The following SEC16B variants were observed in gnomAD, a reference collection of about 807,000 sequenced individuals.
SEC16B encodes protein transport protein Sec16B.
In SEC16B, 115 loss-of-function variants were observed where a neutral mutation model predicts 141.8. The ratio of observed to expected loss-of-function variants is 0.81; its 90% CI spans 0.70 to 0.95. The LOEUF (loss-of-function observed/expected upper bound fraction) is 0.95. Ranked by LOEUF, SEC16B falls within the 40% of genes least tolerant of loss-of-function variation. The pLI is 0.00. For missense variants in SEC16B, 1,291 were observed against 1,312.3 expected, an observed-to-expected ratio of 0.98 and a Z score of 0.25; for synonymous variants, 493 against 492.5, an observed-to-expected ratio of 1.00 and a Z score of -0.01.
intron 20 of SEC16B, among the ~76,000 whole-genome samples, 180 bp from the exon 21 acceptor site, chr1:177,933,816 A>G (rs922609672): frequency 1.3e-5 from 2 of 152,160 alleles, no homozygotes; most frequent in African/African-American, 4.8e-5. Flanking sequence ...GTCGCAGGAT[A>G]AGGACAGAGC....
intron 20 of SEC16B, among the ~76,000 whole-genome samples, chr1:177,935,527 T>A (rs1411875027): frequency 6.6e-6 from 1 of 152,030 alleles, no homozygotes; most frequent in Non-Finnish European, 1.5e-5. Context: ...TATATGTGAG[T>A]ATATGTGTGT....
rs772309999 is a variant in SEC16B at position 177,930,595 on chromosome 1, G to A, written c.3061C>T (p.Pro1021Ser). The change falls in exon 25 of 26, where the codon CCT becomes TCT. Residue 1021 changes from proline (P) to serine (S), a missense_variant. Physicochemically the swap from Pro to Ser is moderately conservative, Grantham distance 74. Coordinates refer to ENST00000308284, the MANE Select transcript of SEC16B (RefSeq NM_033127.4). ...AGAGGAACAGCCCCTTTTAAGGCAG[G>A]TGGAGGAAGAAGAACACCAGGGTTG... Reference protein sequence around the residue: ...CSNPGVLLPPPALKGAVPLYN... With the variant: ...CSNPGVLLPPSALKGAVPLYN... 2 of 1,613,848 alleles carry A rather than the reference G, an allele frequency of 1.2e-6. No individual in the cohort carries two copies. The highest frequency in any genetic ancestry group is 4.5e-5 in the East Asian group (2 of 44,874).
intron 1 of SEC16B, among the ~76,000 whole-genome samples, chr1:177,981,281 T>C (rs545961222): frequency 1.4e-4 from 21 of 152,270 alleles, no homozygotes; most frequent in Admixed American, 1.3e-3. Flanking sequence ...ACCCCATCTC[T>C]TGCTCTATGA....
At position 177,961,630 on chromosome 1, in the gene SEC16B, A is replaced by T. The variant is rs775826617; in HGVS notation, c.747T>A (p.Asp249Glu). The change falls in exon 6 of 26, where the codon GAT becomes GAA. Residue 249 changes from aspartate to glutamate, a missense_variant. Transcript: ENST00000308284. The stretch of plus-strand genomic sequence containing the variant: ...TCCAAGCTGCTGAAGCTGGGGGATC[A>T]TCCCGCTCCGGGGCATCTCTGATGT... ...SQYIRDAPER[D>E]DPPASAAWSP... is the part of the protein sequence containing the mutation. 1.9e-6 allele frequency: 3 copies of T among 1,608,362 alleles called. No individual in the cohort carries two copies. The South Asian group carries it at 3.3e-5, about 18-fold the overall frequency.
chr1:177,960,882 A>G lies in SEC16B; in HGVS notation c.845T>C (p.Val282Ala), dbSNP rs776875644. Residue 282 changes from valine to alanine, a missense_variant, in exon 7 of 26, where the codon GTG (valine) becomes GCG (alanine). Around this residue, in one of 3 missense-constraint regions of SEC16B, gnomAD observed 681 missense variants for 675.5 expected, o/e 1.01. Transcript: ENST00000308284. Reference sequence around the variant, plus strand: ...CAGCTGACCTCCTGGCCCGAAACTCACAGGAACATGAGGGATGTAGAACTT... The same window carrying G: ...CAGCTGACCTCCTGGCCCGAAACTCGCAGGAACATGAGGGATGTAGAACTT... The part of the protein sequence containing the change: ...PMKFYIPHVP[V>A]SFGPGGQLVH... 3 of 1,601,832 alleles carry G rather than the reference A, an allele frequency of 1.9e-6. No homozygotes were observed. Among genetic ancestry groups the G allele is most frequent in the Admixed American group, 1.7e-5 (1 of 58,986 alleles).
intron 3 of SEC16B, 100 bp downstream of exon 3, chr1:177,965,793 A>G (rs913904426): frequency 6.1e-6 from 4 of 656,660 alleles, no homozygotes; most frequent in African/African-American, 5.5e-5. Flanking sequence ...AGGATGCCCA[A>G]GGTGAGGGTC....
intron 4 of SEC16B, among the ~76,000 whole-genome samples, chr1:177,964,825 C>A (rs1276170065): frequency 6.6e-6 from 1 of 152,180 alleles, no homozygotes; most frequent in African/African-American, 2.4e-5. Context: ...TCAGACTCGC[C>A]CAGCTTTGGG....
intron 25 of SEC16B, 99 bp from the exon 26 acceptor site, chr1:177,930,028 T>C: frequency 8.7e-7 from 1 of 1,151,928 alleles, no homozygotes; most frequent in Non-Finnish European, 1.3e-6. Flanking sequence ...TGAGCCTCTG[T>C]GTAGAACATT....
chr1:177,946,411 G>A lies in SEC16B; in HGVS notation c.1775+9C>T, dbSNP rs1171917677. 14 of 1,545,486 alleles carry A rather than the reference G, an allele frequency of 9.1e-6. No homozygotes were observed. Among genetic ancestry groups the A allele is most frequent in the Admixed American group, 3.9e-5 (2 of 51,714 alleles). Reference sequence around the variant, plus strand: ...GTCCTTACTGTTTCCTTTCTCCCAGGTCGCATACCTGTGGCTGCTGCCCAG... The same window carrying A: ...GTCCTTACTGTTTCCTTTCTCCCAGATCGCATACCTGTGGCTGCTGCCCAG... On this transcript the variant is annotated intron_variant, in intron 14 of 25. Coordinates refer to ENST00000308284, the MANE Select transcript of SEC16B (RefSeq NM_033127.4).
Position 177,965,181 on chromosome 1 carries a change from G to A in SEC16B, c.413-14C>T. 1 of 1,612,262 alleles carries A rather than the reference G, an allele frequency of 6.2e-7. No individual in the cohort carries two copies. Among genetic ancestry groups the A allele is most frequent in the Non-Finnish European group, 8.5e-7 (1 of 1,179,288 alleles). ...GTTGCCTTGGCACTGCACCCTCAGA[G>A]AAAACAAAATCAAGACAGGTCACTT... On this transcript the variant is annotated splice_polypyrimidine_tract_variant and intron_variant, in intron 3 of 25. Coordinates refer to ENST00000308284, the MANE Select transcript of SEC16B (RefSeq NM_033127.4).
intron 15 of SEC16B, among the ~76,000 whole-genome samples, chr1:177,943,432 G>C (rs1243329153): frequency 1.3e-5 from 2 of 152,164 alleles, no homozygotes; most frequent in African/African-American, 4.8e-5. Flanking sequence ...AGAACTTAAA[G>C]AAAAAGAGAA....
chr1:177,983,414 G>A (rs1654501033), intron 1 of SEC16B, among the ~76,000 whole-genome samples: 1 of 152,028 alleles, frequency 6.6e-6, no homozygotes, highest in Non-Finnish European at 1.5e-5. Flanking sequence ...ACATAGAGAG[G>A]TGACAATCAA....
At chr1:177,971,252 T>C (rs1176007040), upstream of SEC16B, 1 of 152,188 alleles carries the variant, frequency 6.6e-6, no homozygotes. Context: ...TGGCTAATTT[T>C]TGTATTTTTA....
In SEC16B at chr1:177,930,652, G is replaced by A. The variant is rs768226631; in HGVS notation, c.3013-9C>T. The A allele has an allele frequency of 3.1e-6, 5 of 1,603,106 alleles. No homozygotes were observed. In the South Asian group the frequency reaches 5.5e-5, roughly 18 times the overall value. On this transcript the variant is annotated splice_polypyrimidine_tract_variant and intron_variant, in intron 24 of 25. Coordinates refer to ENST00000308284, the MANE Select transcript of SEC16B (RefSeq NM_033127.4). The stretch of plus-strand genomic sequence containing the variant: ...AGCTCAAAGGAAACACTCTGTGATG[G>A]AAAAGCATGGAAAATCCCATCAGTG...
At chr1:177,933,167 T>TG (rs1337018611) in intron 22 of SEC16B, 47 bp downstream of exon 22, 1 of 1,471,254 alleles carries the variant, frequency 6.8e-7, no homozygotes, top group South Asian at 1.2e-5. Context: ...CAGCTCCCTC[T>TG]GAAAGACCCA....
chr1:177,950,341 G>C (rs1165349851), intron 12 of SEC16B, among the ~76,000 whole-genome samples: 1 of 152,154 alleles, frequency 6.6e-6, no homozygotes. Flanking sequence ...ACTGGCTGGA[G>C]AGCAGCAAAG....
chr1:177,976,500 G>A (rs930426260), intron 1 of SEC16B, among the ~76,000 whole-genome samples: 4 of 152,162 alleles, frequency 2.6e-5, no homozygotes, highest in Non-Finnish European at 5.9e-5. Context: ...CAACTTGGTG[G>A]TCCTGGAATA....
intron 1 of SEC16B, among the ~76,000 whole-genome samples, chr1:177,978,100 G>C (rs557935232): frequency 9.2e-5 from 14 of 152,304 alleles, no homozygotes; most frequent in African/African-American, 2.9e-4. Context: ...TGGGAATTGA[G>C]AGCTCAGGCT....
At chr1:177,963,146 C>G (rs1319066086) in intron 5 of SEC16B, among the ~76,000 whole-genome samples, 1 of 151,726 alleles carries the variant, frequency 6.6e-6, no homozygotes, top group Non-Finnish European at 1.5e-5. Flanking sequence ...GCTCTTTGTA[C>G]AGTGTAAGGT....
Sources: allele counts gnomAD v4.1 joint callset (sites outside exome capture counted in the v4.1 genomes callset), GRCh38; gene constraint gnomAD v4.1.1; regional missense constraint gnomAD v4.1.1; transcripts MANE v1.5; gene names NCBI Gene and HGNC (gene_info 2026-07-23, HGNC 2026-07-21).